The following EBF3 variants were observed in gnomAD, a reference collection of about 807,000 sequenced individuals.
The protein encoded by EBF3 is transcription factor COE3.
EBF3 carries 18 observed loss-of-function variants against 77.1 expected under a neutral mutation model. That is an observed-to-expected ratio of 0.23 (90% confidence interval 0.16 to 0.35). The LOEUF is 0.35. Ranked by LOEUF, EBF3 falls within the 10% of genes least tolerant of loss-of-function variation. The pLI, the probability that EBF3 is intolerant of heterozygous loss-of-function variation, is 1.00. For missense variants in EBF3, 558 were observed against 860.0 expected (o/e 0.65, Z 4.39); for synonymous variants, 350 against 343.5 (o/e 1.02, Z -0.21).
At chr10:129,940,039 A>G (rs1348352689) in intron 6 of EBF3, among the ~76,000 whole-genome samples, 2 of 152,164 alleles carry the variant, frequency 1.3e-5, no homozygotes, top group African/African-American at 4.8e-5. Context: ...CACAACCCCG[A>G]GGGCCCACTG....
At chr10:129,919,408 C>T (rs1449756785) in intron 6 of EBF3, among the ~76,000 whole-genome samples, 2 of 152,072 alleles carry the variant, frequency 1.3e-5, no homozygotes, top group African/African-American at 2.4e-5. Context: ...GGGAAGGTGA[C>T]GAGGCCAGAG....
In EBF3 at chr10:129,842,075, A is replaced by G; in HGVS notation, c.1372+41T>C. 1 of 1,613,054 alleles carries G rather than the reference A, an allele frequency of 6.2e-7. No homozygotes were observed. The highest frequency in any genetic ancestry group is 8.5e-7 in the Non-Finnish European group (1 of 1,179,522). On this transcript the variant is annotated intron_variant, in intron 13 of 16. Coordinates refer to ENST00000440978, the MANE Select transcript of EBF3 (RefSeq NM_001375380.1). The surrounding 1 kb of genome is among the most constrained non-coding windows in gnomAD (Gnocchi z 4.4). ...AGCTAAGGCCTCAACCAACCCTCGG[A>G]GGGCGTTCAGGGCAGGGGTCCTCCC... is the stretch of plus-strand genomic sequence containing the variant.
intron 6 of EBF3, among the ~76,000 whole-genome samples, chr10:129,927,162 C>T (rs1400222429): frequency 2.0e-5 from 3 of 152,180 alleles, no homozygotes; most frequent in East Asian, 1.9e-4. Context: ...GGCTCCCGGG[C>T]GATGGGGACA....
Position 129,938,709 on chromosome 10 carries a change from C to T in EBF3, c.554+18549G>A, listed in dbSNP as rs1168522599. Among the ~76,000 whole-genome samples, 1 of 152,210 alleles carries T rather than the reference C, an allele frequency of 6.6e-6. No individual in the cohort carries two copies. The highest frequency in any genetic ancestry group is 6.5e-5 in the Admixed American group (1 of 15,276). ...AAGGTGCGGCTGCAACCGACGAGCA[C>T]TGCCTTGTGTCCTGGGACCTGGCCT... is the stretch of plus-strand genomic sequence containing the variant. On this transcript the variant is annotated intron_variant, in intron 6 of 16. Coordinates refer to ENST00000440978, the MANE Select transcript of EBF3 (RefSeq NM_001375380.1). This position sits in a 1 kb window ranked among gnomAD's most constrained non-coding sequence, Gnocchi z 5.1.
rs541485280 is a variant in EBF3 at position 129,942,619 on chromosome 10, C to T, written c.554+14639G>A. ...CACTGGGGAAAATTGGGGACTACCA[C>T]GTCCACACAGGGTGCATTCCAGAGA... On this transcript the variant is annotated intron_variant, in intron 6 of 16. Coordinates refer to ENST00000440978, the MANE Select transcript of EBF3 (RefSeq NM_001375380.1). Among the ~76,000 whole-genome samples, 167 of 152,302 alleles carry T rather than the reference C, an allele frequency of 1.1e-3. 1 individual carries two copies. The highest frequency in any genetic ancestry group is 1.9e-3 in the East Asian group (10 of 5,176).
chr10:129,921,597 C>CCTGTCTTTGCTGT (rs1554921371), intron 6 of EBF3, among the ~76,000 whole-genome samples: 6 of 152,340 alleles, frequency 3.9e-5, no homozygotes, highest in African/African-American at 1.2e-4. Context: ...GTCCATGCCA[C>CCTGTCTTTGCTGT]CTTTGCAGCC....
intron 10 of EBF3, among the ~76,000 whole-genome samples, chr10:129,853,126 G>C (rs945941224): frequency 6.6e-6 from 1 of 152,208 alleles, no homozygotes; most frequent in African/African-American, 2.4e-5. Flanking sequence ...TGCGCCGCCT[G>C]TAAGTACTCC....
At chr10:129,858,676 A>C (rs1385585097) in intron 10 of EBF3, among the ~76,000 whole-genome samples, 1 of 151,972 alleles carries the variant, frequency 6.6e-6, no homozygotes, top group Non-Finnish European at 1.5e-5. Context: ...GATGGAGAAA[A>C]ACCTCGCAGA....
chr10:129,943,372 C>T lies in EBF3; in HGVS notation c.554+13886G>A, dbSNP rs1396083293. On this transcript the variant is annotated intron_variant, in intron 6 of 16. Transcript: ENST00000440978. The surrounding 1 kb of genome is among the most constrained non-coding windows in gnomAD (Gnocchi z 8.8). ...ATTAATTCCAGATTGTAGTTATTGT[C>T]TTAAGCACAAGAAGGTTGTCTTATA... 6.6e-6 allele frequency among the ~76,000 whole-genome samples: 1 copy of T among 152,236 alleles called. No homozygotes were observed. Among genetic ancestry groups the T allele is most frequent in the East Asian group, 1.9e-4 (1 of 5,202 alleles).
intron 6 of EBF3, among the ~76,000 whole-genome samples, chr10:129,896,605 G>A (rs765912184): frequency 3.3e-5 from 5 of 152,318 alleles, no homozygotes; most frequent in South Asian, 2.1e-4. Context: ...GCTGGGGCGC[G>A]GCCTCCTGGC....
rs146879364 is a variant in EBF3, at chr10:129,877,577, T to C, written c.636+191A>G. Among the ~76,000 whole-genome samples the C allele has an allele frequency of 5.6e-3, 845 of 152,102 alleles. 8 individuals are homozygous for C. Among genetic ancestry groups the C allele is most frequent in the African/African-American group, 0.02 (817 of 41,500 alleles). ...GTGCCCACATTAGACTTGATGAATCTGGCATACTGAATATACCAGATCATT... is the reference window on the plus strand; with the variant it reads ...GTGCCCACATTAGACTTGATGAATCCGGCATACTGAATATACCAGATCATT... On this transcript the variant is annotated intron_variant, in intron 7 of 16. Transcript: ENST00000440978.
rs1858014135 is a variant in EBF3 at position 129,944,284 on chromosome 10, A to G, written c.554+12974T>C. ...TTTCAGATTGGTCAATGAGGGGAAC[A>G]CCAGAGTGCACTGCCTTCAGAATAT... On this transcript the variant is annotated intron_variant, in intron 6 of 16. Coordinates refer to ENST00000440978, the MANE Select transcript of EBF3 (RefSeq NM_001375380.1). The surrounding 1 kb of genome is among the most constrained non-coding windows in gnomAD (Gnocchi z 5.1). Among the ~76,000 whole-genome samples the G allele has an allele frequency of 6.6e-6, 1 of 152,194 alleles. No individual in the cohort carries two copies. Among genetic ancestry groups the G allele is most frequent in the Non-Finnish European group, 1.5e-5 (1 of 68,032 alleles).
rs965757610 is a variant in EBF3, at chr10:129,841,258, G to A, written c.1373-226C>T. 3.9e-5 allele frequency among the ~76,000 whole-genome samples: 6 copies of A among 152,102 alleles called. No individual in the cohort carries two copies. The South Asian group carries it at 8.3e-4, about 21-fold the overall frequency. Reference sequence around the variant, plus strand: ...TCTCTGCTGGCTTCAACAGCCAGCCGGGGCGCGCTTCGATCTCGCCGTCAG... The same window carrying A: ...TCTCTGCTGGCTTCAACAGCCAGCCAGGGCGCGCTTCGATCTCGCCGTCAG... On this transcript the variant is annotated intron_variant, in intron 13 of 16. Transcript: ENST00000440978. This position sits in a 1 kb window ranked among gnomAD's most constrained non-coding sequence, Gnocchi z 4.6.
rs113098251 is a variant in EBF3, at chr10:129,892,813, G to A, written c.555-14964C>T. 1.7e-3 allele frequency among the ~76,000 whole-genome samples: 263 copies of A among 152,332 alleles called. 4 individuals carry two copies. Among genetic ancestry groups the A allele is most frequent in the African/African-American group, 6.2e-3 (257 of 41,584 alleles). On this transcript the variant is annotated intron_variant, in intron 6 of 16. Transcript: ENST00000440978. ...ACCACATCGAAACGAGGCATAACAA[G>A]CCAGCTTGATGAAAACGCTTTCCCA...
intron 11 of EBF3, among the ~76,000 whole-genome samples, chr10:129,844,590 C>G (rs1023627326): frequency 1.3e-5 from 2 of 152,188 alleles, no homozygotes; most frequent in Non-Finnish European, 2.9e-5. Context: ...CATGCCGACT[C>G]TGGACCCTTT....
Position 129,963,938 on chromosome 10 carries a change from G to C in EBF3, c.-170C>G, listed in dbSNP as rs1859738941. On this transcript the variant is annotated 5_prime_UTR_variant, in exon 1 of 17. Coordinates refer to ENST00000440978, the MANE Select transcript of EBF3 (RefSeq NM_001375380.1). The surrounding 1 kb of genome is among the most constrained non-coding windows in gnomAD (Gnocchi z 7.1). ...TCCCGGGCAGGCGCGACATACACCA[G>C]CGGCCGGGCGCTCCGGACGGCCAGG... is the stretch of plus-strand genomic sequence containing the variant. The C allele has an allele frequency of 9.5e-7, 1 of 1,057,662 alleles. No individual in the cohort carries two copies. The highest frequency in any genetic ancestry group is 7.2e-5 in the East Asian group (1 of 13,944). The allele number at this position is 1,057,662 out of a possible 1,614,324, so 65.5% of individuals were successfully genotyped here. A position where few individuals can be genotyped will look rare whatever the true frequency, so the allele number is the denominator to read the frequency against.
intron 6 of EBF3, among the ~76,000 whole-genome samples, chr10:129,934,129 C>T (rs1857203343): frequency 6.6e-6 from 1 of 152,194 alleles, no homozygotes; most frequent in South Asian, 2.1e-4. Flanking sequence ...GCAAGCTTAA[C>T]CCTGACTGAA....
Position 129,935,898 on chromosome 10 carries a change from C to T in EBF3, c.554+21360G>A, listed in dbSNP as rs1857322493. Among the ~76,000 whole-genome samples, 2 of 151,968 alleles carry T rather than the reference C, an allele frequency of 1.3e-5. No homozygotes were observed. The highest frequency in any genetic ancestry group is 2.1e-4 in the South Asian group (1 of 4,806). ...AGGCAGGCATGGACAAAGGAATGGC[C>T]GGGGAAGGCAGAGCCCAAGCAGCCC... On this transcript the variant is annotated intron_variant, in intron 6 of 16. Coordinates refer to ENST00000440978, the MANE Select transcript of EBF3 (RefSeq NM_001375380.1). The surrounding 1 kb of genome is among the most constrained non-coding windows in gnomAD (Gnocchi z 4.2).
intron 7 of EBF3, among the ~76,000 whole-genome samples, chr10:129,875,187 C>CTTCTTTTTTTTTTTTT (rs1852672323): frequency 3.2e-5 from 3 of 92,930 alleles, no homozygotes; most frequent in African/African-American, 8.2e-5. Context: ...ATGGCTTCTT[C>CTTCTTTTTTTTTTTTT]TTTTTTTTTT....
Sources: allele counts gnomAD v4.1 joint callset (sites outside exome capture counted in the v4.1 genomes callset), GRCh38; gene constraint gnomAD v4.1.1; non-coding constraint Gnocchi (gnomAD v3.1); transcripts MANE v1.5; gene names NCBI Gene and HGNC (gene_info 2026-07-23, HGNC 2026-07-21).